The following ZBTB17 variants were observed in gnomAD, a reference collection of about 807,000 sequenced individuals.
The protein encoded by ZBTB17 is zinc finger and BTB domain-containing protein 17.
In ZBTB17, 24 loss-of-function variants were observed where a neutral mutation model predicts 85.1. The ratio of observed to expected loss-of-function variants is 0.28; its 90% CI spans 0.20 to 0.40. The LOEUF is 0.40. Ranked by LOEUF, ZBTB17 falls within the 10% of genes least tolerant of loss-of-function variation. The pLI, the probability that ZBTB17 is intolerant of heterozygous loss-of-function variation, is 1.00. For synonymous variants in ZBTB17, 464 were observed against 460.2 expected (o/e 1.01, Z -0.11); for missense variants, 743 against 1,105.1 (o/e 0.67, Z 4.65).
intron 2 of ZBTB17, among the ~76,000 whole-genome samples, chr1:15,965,274 T>C (rs1458028518): frequency 1.3e-5 from 2 of 151,994 alleles, no homozygotes; most frequent in African/African-American, 4.8e-5. Flanking sequence ...TAACAAAATG[T>C]CTACAAACCA....
intron 2 of ZBTB17, among the ~76,000 whole-genome samples, chr1:15,971,498 TATATAC>T (rs1341232410): frequency 2.1e-4 from 14 of 68,212 alleles, no homozygotes; most frequent in Admixed American, 2.5e-4. Context: ...ACACTATATA[TATATAC>T]ACACACACTA....
intron 2 of ZBTB17, among the ~76,000 whole-genome samples, chr1:15,971,474 CTATATATATACACACACTA>C (rs2072668337): frequency 3.1e-5 from 3 of 95,696 alleles, no homozygotes; most frequent in Admixed American, 1.1e-4. Context: ...TACACACACA[CTATATATATACACACACTA>C]TATATATATA....
At chr1:15,949,342 C>T (rs1240044941) in intron 2 of ZBTB17, among the ~76,000 whole-genome samples, 4 of 152,240 alleles carry the variant, frequency 2.6e-5, no homozygotes, top group Non-Finnish European at 5.9e-5. Flanking sequence ...AGCTCTCCCT[C>T]CCGCCCCAAC....
At chr1:15,958,155 C>A (rs1295605867) in intron 2 of ZBTB17, among the ~76,000 whole-genome samples, 1 of 152,176 alleles carries the variant, frequency 6.6e-6, no homozygotes, top group Non-Finnish European at 1.5e-5. Flanking sequence ...AATGAGACAA[C>A]TAGCAGATAG....
Position 15,948,035 on chromosome 1 carries a change from C to T in ZBTB17, c.205+256G>A, listed in dbSNP as rs568476609. On this transcript the variant is annotated intron_variant, in intron 3 of 15. Coordinates refer to ENST00000375743, the MANE Select transcript of ZBTB17 (RefSeq NM_003443.3). ...CTCTGCCCCTCCCAATGAGGCCTTT[C>T]CTGTGTTCACTGCGGCCTAGAGCTC... 2.0e-4 allele frequency: 113 copies of T among 555,824 alleles called. No individual in the cohort carries two copies. The East Asian group carries it at 3.4e-3, about 17-fold the overall frequency. The allele number at this position is 555,824 out of a possible 1,614,324, so 34.4% of individuals were successfully genotyped here.
At chr1:15,975,885 C>T in intron 1 of ZBTB17, 98 bp downstream of exon 1, 2 of 679,430 alleles carry the variant, frequency 2.9e-6, no homozygotes, top group South Asian at 1.5e-5. Flanking sequence ...TCCCCTCCCC[C>T]ACACAACCGT....
Position 15,942,061 on chromosome 1 carries a change from G to A in ZBTB17, c.2320C>T (p.Leu774=). The change falls in exon 16 of 16, where the codon CTG becomes TTG. Residue 774 remains leucine (L), a synonymous_variant. Coordinates refer to ENST00000375743, the MANE Select transcript of ZBTB17 (RefSeq NM_003443.3). ...PAGQVLQAGE[L]VFRPRDGAEG... ...GCCCCGTCGCGAGGGCGGAAGACCA[G>A]CTCCCCAGCCTGCAGCACCTGCCCG... 6.2e-7 allele frequency: 1 copy of A among 1,612,706 alleles called. No homozygotes were observed. Among genetic ancestry groups the A allele is most frequent in the Non-Finnish European group, 8.5e-7 (1 of 1,180,002 alleles).
In ZBTB17 at chr1:15,943,696, A is replaced by T; in HGVS notation, c.1479T>A (p.Leu493=). Residue 493 remains leucine (L), a synonymous_variant, in exon 11 of 16, where the codon CTT becomes CTA. Coordinates refer to ENST00000375743, the MANE Select transcript of ZBTB17 (RefSeq NM_003443.3). ...AGGGCTTCTCCCCGCTGTGGATCCG[A>T]AGGTGCCGCTTCAGGTTCCCTGTGG... ...FTTSGNLKRH[L]RIHSGEKPYV... is the part of the protein sequence containing the mutation. 1 of 1,613,178 alleles carries T rather than the reference A, an allele frequency of 6.2e-7. No homozygotes were observed. The highest frequency in any genetic ancestry group is 8.5e-7 in the Non-Finnish European group (1 of 1,179,888).
rs1362370868 is a variant in ZBTB17, at chr1:15,957,885, G to A, written c.-2-9388C>T. ...GTGCCGCTTCCTGAGAGGAGGAGGA[G>A]TGGCAGGAGGAGACTCCGTGGGGGG... is the stretch of plus-strand genomic sequence containing the variant. On this transcript the variant is annotated intron_variant, in intron 2 of 15. Coordinates refer to ENST00000375743, the MANE Select transcript of ZBTB17 (RefSeq NM_003443.3). Among the ~76,000 whole-genome samples, 5 of 152,308 alleles carry A rather than the reference G, an allele frequency of 3.3e-5. No homozygotes were observed. The East Asian group carries it at 9.7e-4, about 29-fold the overall frequency.
chr1:15,948,155 C>G, intron 3 of ZBTB17, 136 bp downstream of exon 3: 3 of 1,022,970 alleles, frequency 2.9e-6, no homozygotes, highest in South Asian at 2.7e-5. Context: ...CTGAATTGCT[C>G]ATGGCCTGAA....
chr1:15,961,174 G>A, intron 2 of ZBTB17, among the ~76,000 whole-genome samples: 1 of 152,206 alleles, frequency 6.6e-6, no homozygotes, highest in East Asian at 1.9e-4. Context: ...CATTAATGAG[G>A]CTGCCATGCA....
At chr1:15,944,878 C>T (rs1016755476) in intron 7 of ZBTB17, 39 bp from the exon 8 acceptor site, 15 of 1,567,368 alleles carry the variant, frequency 9.6e-6, no homozygotes, top group South Asian at 8.2e-5. Context: ...GAGGAGCAGC[C>T]GGTGGGAGGC....
At chr1:15,944,141 C>G (rs1236642486) in intron 9 of ZBTB17, 159 bp downstream of exon 9, 1 of 1,198,080 alleles carries the variant, frequency 8.3e-7, no homozygotes, top group South Asian at 1.3e-5. Context: ...GGGAGCTCCC[C>G]CGCGGAAGTG....
chr1:15,949,380 C>A (rs547149389), intron 2 of ZBTB17, among the ~76,000 whole-genome samples: 1 of 152,210 alleles, frequency 6.6e-6, no homozygotes, highest in Non-Finnish European at 1.5e-5. Flanking sequence ...TCAACATCAG[C>A]AATTGTCTAG....
At chr1:15,945,330 C>G (rs1328254280) in intron 6 of ZBTB17, 128 bp from the exon 7 acceptor site, 8 of 1,446,100 alleles carry the variant, frequency 5.5e-6, no homozygotes, top group Non-Finnish European at 5.4e-6. Flanking sequence ...CCCGGGGGGG[C>G]CTGTGAACTG....
At chr1:15,960,212 A>C (rs989596937) in intron 2 of ZBTB17, among the ~76,000 whole-genome samples, 2 of 152,352 alleles carry the variant, frequency 1.3e-5, no homozygotes, top group South Asian at 2.1e-4. Context: ...TGCCTCAGGC[A>C]GGCACTTAAC....
In ZBTB17 at chr1:15,973,469, T is replaced by C. The variant is rs1219818456; in HGVS notation, c.-89-344A>G. Among the ~76,000 whole-genome samples, 2 of 152,230 alleles carry C rather than the reference T, an allele frequency of 1.3e-5. No individual in the cohort carries two copies. The highest frequency in any genetic ancestry group is 4.8e-5 in the African/African-American group (2 of 41,454). ...GATATCCTGGACACTTTGTTTCTCATTGCATACCCTACCCTAGGTGAGCTC... is the reference window on the plus strand; with the variant it reads ...GATATCCTGGACACTTTGTTTCTCACTGCATACCCTACCCTAGGTGAGCTC... On this transcript the variant is annotated intron_variant, in intron 1 of 15. Coordinates refer to ENST00000375743, the MANE Select transcript of ZBTB17 (RefSeq NM_003443.3). The surrounding 1 kb of genome is among the most constrained non-coding windows in gnomAD (Gnocchi z 4.1).
At position 15,951,663 on chromosome 1, in the gene ZBTB17, C is replaced by T. The variant is rs1327751258; in HGVS notation, c.-2-3166G>A. ...AGGGGCTGAGCTAGAACTAGGCAGT[C>T]CCCCACCTCCAACCCACGTGAACTG... is the stretch of plus-strand genomic sequence containing the variant. On this transcript the variant is annotated intron_variant, in intron 2 of 15. Transcript: ENST00000375743. This position sits in a 1 kb window ranked among gnomAD's most constrained non-coding sequence, Gnocchi z 4.1. Among the ~76,000 whole-genome samples the T allele has an allele frequency of 6.6e-6, 1 of 152,152 alleles. No homozygotes were observed. The highest frequency in any genetic ancestry group is 1.9e-4 in the East Asian group (1 of 5,196).
chr1:15,969,364 T>C (rs1280253768), intron 2 of ZBTB17, among the ~76,000 whole-genome samples: 1 of 152,138 alleles, frequency 6.6e-6, no homozygotes, highest in Non-Finnish European at 1.5e-5. Context: ...TGTAAGGTGT[T>C]TAAGTCAACC....
Sources: gnomAD v4.1 joint callset for allele counts (sites outside exome capture counted in the v4.1 genomes callset) on GRCh38, gnomAD v4.1.1 for gene constraint, Gnocchi (gnomAD v3.1) non-coding constraint, MANE v1.5 for transcripts, NCBI Gene and HGNC (gene_info 2026-07-23, HGNC 2026-07-21) for gene names.